Variants in SBF2 observed in about 807,000 individuals in gnomAD.
SBF2 encodes SET binding factor 2.
SBF2 carries 112 observed loss-of-function variants against 225.2 expected under a neutral mutation model. The observed-to-expected ratio is 0.50, with a 90% confidence interval of 0.43 to 0.58. The LOEUF is 0.58. SBF2 is among the 20% of genes least tolerant of loss of function. The pLI, the probability that SBF2 is intolerant of heterozygous loss-of-function variation, is 0.00. For synonymous variants in SBF2, 763 were observed against 773.3 expected, an observed-to-expected ratio of 0.99 and a Z score of 0.22; for missense variants, 1,996 against 2,206.2, an observed-to-expected ratio of 0.90 and a Z score of 1.91.
chr11:10,161,175 A>G (rs1955713181), intron 2 of SBF2, among the ~76,000 whole-genome samples: 1 of 125,052 alleles, frequency 8.0e-6, no homozygotes, highest in Non-Finnish European at 1.6e-5. Context: ...ACAAAGCAAG[A>G]CTCTGTCTCA....
intron 13 of SBF2, among the ~76,000 whole-genome samples, chr11:9,974,436 G>A (rs941124391): frequency 3.3e-5 from 5 of 152,018 alleles, no homozygotes; most frequent in Admixed American, 6.6e-5. Context: ...TAGGGTGGGA[G>A]GGTTGCTCCT....
At chr11:10,275,106 C>T (rs2920150) in intron 1 of SBF2, among the ~76,000 whole-genome samples, 28,362 of 151,736 alleles carry the variant, frequency 0.19, 2,801 homozygotes, top group Middle Eastern at 0.26. Context: ...AAGGATCAGT[C>T]CAGAAACTAA....
chr11:9,949,622 T>C lies in SBF2; in HGVS notation c.1860+12335A>G, dbSNP rs1160030881. On this transcript the variant is annotated intron_variant, in intron 16 of 39. Coordinates refer to ENST00000256190, the MANE Select transcript of SBF2 (RefSeq NM_030962.4). ...TCCTAGGTTAAACTCCACTATATTATGACGCTTTACTTTTTTAATGCACTA... is the reference window on the plus strand; with the variant it reads ...TCCTAGGTTAAACTCCACTATATTACGACGCTTTACTTTTTTAATGCACTA... Among the ~76,000 whole-genome samples, 4 of 152,188 alleles carry C rather than the reference T, an allele frequency of 2.6e-5. No homozygotes were observed. The South Asian group carries it at 6.2e-4, about 24-fold the overall frequency.
intron 16 of SBF2, among the ~76,000 whole-genome samples, chr11:9,952,891 G>A (rs1157337908): frequency 6.6e-6 from 1 of 152,086 alleles, no homozygotes; most frequent in Non-Finnish European, 1.5e-5. Flanking sequence ...ATATATATTG[G>A]TGTGGATGCG....
chr11:10,126,736 T>C (rs1486551254), intron 2 of SBF2, among the ~76,000 whole-genome samples: 1 of 152,140 alleles, frequency 6.6e-6, no homozygotes, highest in Non-Finnish European at 1.5e-5. Flanking sequence ...TGTCTATCCA[T>C]GCTTATGGCA....
At chr11:10,215,607 A>C (rs900308661) in intron 1 of SBF2, among the ~76,000 whole-genome samples, 1 of 152,186 alleles carries the variant, frequency 6.6e-6, no homozygotes, top group African/African-American at 2.4e-5. Flanking sequence ...TGGGTGATAG[A>C]GCAAGACCTT....
At chr11:10,164,861 AG>A (rs1182687731) in intron 2 of SBF2, 1 of 152,258 alleles carries the variant, frequency 6.6e-6, no homozygotes, top group Non-Finnish European at 1.5e-5. Context: ...CTTAGGGCTA[AG>A]CCAAGTGCCT....
intron 20 of SBF2, among the ~76,000 whole-genome samples, chr11:9,853,292 G>C (rs749234430): frequency 1.3e-5 from 2 of 152,108 alleles, no homozygotes; most frequent in South Asian, 4.1e-4. Context: ...TAATAAAAAA[G>C]TTTTAGAAAT....
chr11:10,038,060 C>T (rs1949514111), intron 3 of SBF2, among the ~76,000 whole-genome samples: 1 of 151,978 alleles, frequency 6.6e-6, no homozygotes, highest in Admixed American at 6.6e-5. Flanking sequence ...ACACTGATCT[C>T]CTATACACAA....
rs1006397112 is a variant in SBF2, at chr11:10,155,148, C to A, written c.141+38754G>T. On this transcript the variant is annotated intron_variant, in intron 2 of 39. Transcript: ENST00000256190. Reference sequence around the variant, plus strand: ...TATAATGCTAGTCACATGGAAAACACGTTAGGCAAAACTACTTTCTGCATA... The same window carrying A: ...TATAATGCTAGTCACATGGAAAACAAGTTAGGCAAAACTACTTTCTGCATA... Among the ~76,000 whole-genome samples the A allele has an allele frequency of 2.0e-5, 3 of 152,206 alleles. 1 individual carries two copies. Among genetic ancestry groups the A allele is most frequent in the African/African-American group, 7.2e-5 (3 of 41,536 alleles).
At chr11:10,043,646 C>G (rs1949742539) in intron 2 of SBF2, among the ~76,000 whole-genome samples, 1 of 152,110 alleles carries the variant, frequency 6.6e-6, no homozygotes, top group African/African-American at 2.4e-5. Context: ...ATGATCACAG[C>G]TCACTTTAAC....
intron 14 of SBF2, among the ~76,000 whole-genome samples, chr11:9,964,722 ATTACC>A (rs1379937970): frequency 1.3e-5 from 2 of 152,218 alleles, no homozygotes; most frequent in Non-Finnish European, 2.9e-5. Context: ...ATTCTAGTGT[ATTACC>A]TAGGCTACTA....
chr11:9,995,740 T>C (rs2134484019), intron 9 of SBF2, among the ~76,000 whole-genome samples: 1 of 151,594 alleles, frequency 6.6e-6, no homozygotes, highest in East Asian at 1.9e-4. Context: ...GACCTCCGCC[T>C]CCTGGGTTCA....
upstream of SBF2, among the ~76,000 whole-genome samples, chr11:10,294,944 C>T (rs1482802712): frequency 6.6e-6 from 1 of 152,258 alleles, no homozygotes; most frequent in African/African-American, 2.4e-5. Context: ...TTCCAACTTC[C>T]CTGCTCAAAC....
At chr11:9,781,415 A>ACC in intron 39 of SBF2, 92 bp downstream of exon 39, 1 of 1,549,584 alleles carries the variant, frequency 6.5e-7, no homozygotes, top group Admixed American at 1.7e-5. Context: ...ATCTGTAGTC[A>ACC]CCACCAATTA....
At chr11:9,999,365 G>C (rs539317471) in intron 8 of SBF2, among the ~76,000 whole-genome samples, 205 of 152,028 alleles carry the variant, frequency 1.3e-3, no homozygotes, top group African/African-American at 4.8e-3. Flanking sequence ...CTCTCGCCCA[G>C]GCTGGAGTAT....
chr11:10,257,377 TG>T (rs1301721302), intron 1 of SBF2, among the ~76,000 whole-genome samples: 6 of 152,122 alleles, frequency 3.9e-5, no homozygotes, highest in African/African-American at 1.4e-4. Flanking sequence ...GCATAAGAAA[TG>T]TTACAGGCCA....
intron 2 of SBF2, among the ~76,000 whole-genome samples, chr11:10,182,780 A>T (rs999334070): frequency 2.0e-5 from 3 of 149,748 alleles, no homozygotes; most frequent in African/African-American, 7.4e-5. Flanking sequence ...GTTGTTTTTT[A>T]ATTTTTTTTT....
At chr11:10,008,623 A>G (rs1470531834) in intron 6 of SBF2, among the ~76,000 whole-genome samples, 1 of 152,196 alleles carries the variant, frequency 6.6e-6, no homozygotes, top group Non-Finnish European at 1.5e-5. Context: ...AGGCCACTGG[A>G]AGGCCAACTG....
Sources: allele counts gnomAD v4.1 joint callset (sites outside exome capture counted in the v4.1 genomes callset), GRCh38; gene constraint gnomAD v4.1.1; transcripts MANE v1.5; gene names NCBI Gene and HGNC (gene_info 2026-07-23, HGNC 2026-07-21).